Variants in CSPG4 observed in about 807,000 individuals in gnomAD.
CSPG4 encodes the protein chondroitin sulfate proteoglycan 4.
In CSPG4, 74 loss-of-function variants were observed where a neutral mutation model predicts 139.3. That is an observed-to-expected ratio of 0.53 (90% confidence interval 0.44 to 0.64). The LOEUF is 0.64. Among genes scored for constraint, CSPG4 ranks in the 30% least tolerant of loss-of-function variants. The pLI, the probability that CSPG4 is intolerant of heterozygous loss-of-function variation, is 0.00. For synonymous variants in CSPG4, 1,234 were observed against 1,394.2 expected, an observed-to-expected ratio of 0.89 and a Z score of 2.56; for missense variants, 2,565 against 3,148.3, an observed-to-expected ratio of 0.81 and a Z score of 4.43.
intron 3 of CSPG4, among the ~76,000 whole-genome samples, chr15:75,686,168 G>A (rs1894054520): frequency 6.6e-6 from 1 of 152,178 alleles, no homozygotes; most frequent in Admixed American, 6.5e-5. Context: ...AGCTTGAGAT[G>A]CACTCCCTCA....
chr15:75,709,588 T>G (rs924655537), intron 1 of CSPG4, among the ~76,000 whole-genome samples: 2 of 152,076 alleles, frequency 1.3e-5, no homozygotes, highest in African/African-American at 4.8e-5. Context: ...TCTGTGAGAG[T>G]GGCCGTGTGC....
chr15:75,689,635 C>A lies in CSPG4; in HGVS notation c.1430G>T (p.Arg477Leu). ...QVLFSVTRGA[R>L]HGELELDIPG... ...GATGTCCAGCTCGAGCTCGCCATGG[C>A]GTGCCCCTCGGGTCACGCTGAACAG... Residue 477 changes from arginine (R) to leucine (L), a missense_variant, in exon 3 of 10, where the codon CGC becomes CTC. Around this residue, in one of 5 missense-constraint regions of CSPG4, gnomAD observed 2,316 missense variants for 2,818.2 expected, o/e 0.82. Coordinates refer to ENST00000308508, the MANE Select transcript of CSPG4 (RefSeq NM_001897.5). 2 of 1,606,658 alleles carry A rather than the reference C, an allele frequency of 1.2e-6. No homozygotes were observed. The highest frequency in any genetic ancestry group is 1.7e-6 in the Non-Finnish European group (2 of 1,176,214).
chr15:75,691,575 G>A (rs1278735054), intron 2 of CSPG4, among the ~76,000 whole-genome samples: 1 of 152,158 alleles, frequency 6.6e-6, no homozygotes, highest in Non-Finnish European at 1.5e-5. Flanking sequence ...GTCATTGAAG[G>A]CAGCCAGGCT....
chr15:75,712,519 C>T (rs1345594709), intron 1 of CSPG4, 149 bp downstream of exon 1: 42 of 734,142 alleles, frequency 5.7e-5, no homozygotes, highest in Non-Finnish European at 8.9e-5. Context: ...GGATTGAACC[C>T]CTGGCGACCC....
At chr15:75,693,279 G>T in intron 1 of CSPG4, 46 bp from the exon 2 acceptor site, 3 of 1,416,648 alleles carry the variant, frequency 2.1e-6, no homozygotes, top group Non-Finnish European at 1.9e-6. Context: ...CTCTTGCCTG[G>T]AGGAGGCGAG....
At chr15:75,677,984 T>C in intron 8 of CSPG4, 98 bp from the exon 9 acceptor site, 3 of 1,174,684 alleles carry the variant, frequency 2.6e-6, no homozygotes, top group Non-Finnish European at 2.4e-6. Context: ...TGGGCTCTCC[T>C]GGGTGTGCCC....
At chr15:75,706,902 T>A (rs1283590053) in intron 1 of CSPG4, among the ~76,000 whole-genome samples, 1 of 151,698 alleles carries the variant, frequency 6.6e-6, no homozygotes, top group African/African-American at 2.4e-5. Flanking sequence ...AAATCCAAAA[T>A]TTTTTGAGTG....
In CSPG4 at chr15:75,675,837, G is replaced by GA. The variant is rs1425296740; in HGVS notation, c.6681_6682insT (p.Pro2228SerfsTer29). On this transcript the variant is annotated frameshift_variant, in exon 10 of 10. Transcript: ENST00000308508. LOFTEE classifies it high-confidence loss of function. ...AGGAGCAGAAGTACCAGGCACATGG[G>GA]GATGATGACGCTGAACATGTTGGCC... 6.2e-7 allele frequency: 1 copy of GA among 1,612,098 alleles called. No individual in the cohort carries two copies. The highest frequency in any genetic ancestry group is 2.2e-5 in the East Asian group (1 of 44,892).
At chr15:75,686,608 C>T (rs563285653) in intron 3 of CSPG4, among the ~76,000 whole-genome samples, 217 of 152,312 alleles carry the variant, frequency 1.4e-3, no homozygotes, top group Middle Eastern at 3.4e-3. Flanking sequence ...CTTCAGAGCC[C>T]GGCCCAAACG....
At chr15:75,694,462 C>A (rs1205258260) in intron 1 of CSPG4, among the ~76,000 whole-genome samples, 1 of 152,232 alleles carries the variant, frequency 6.6e-6, no homozygotes, top group Admixed American at 6.5e-5. Flanking sequence ...TGTTGGGCTT[C>A]CCTCAAACCC....
Position 75,677,959 on chromosome 15 carries a change from C to A in CSPG4, c.4951-73G>T, listed in dbSNP as rs188051535. ...GTCCAGACACTGAGCACTTTTGTCT[C>A]CTCAGGCCCCACTCTGGGCTCTCCT... is the stretch of plus-strand genomic sequence containing the variant. On this transcript the variant is annotated intron_variant, in intron 8 of 9. Transcript: ENST00000308508. 24 of 1,411,748 alleles carry A rather than the reference C, an allele frequency of 1.7e-5. No homozygotes were observed. In the African/African-American group the frequency reaches 3.1e-4, roughly 18 times the overall value. 87.5% of individuals were successfully genotyped at this position (1,411,748 alleles called of 1,614,324 possible).
intron 1 of CSPG4, among the ~76,000 whole-genome samples, chr15:75,707,148 G>C (rs1436457399): frequency 5.3e-5 from 8 of 151,882 alleles, no homozygotes; most frequent in Non-Finnish European, 8.8e-5. Flanking sequence ...GTAGAGACAG[G>C]GTTTCACCAT....
At position 75,690,067 on chromosome 15, in the gene CSPG4, C is replaced by A. The variant is rs771392241; in HGVS notation, c.998G>T (p.Arg333Leu). 5.0e-6 allele frequency: 8 copies of A among 1,611,770 alleles called. No individual in the cohort carries two copies. Among genetic ancestry groups the A allele is most frequent in the Non-Finnish European group, 6.8e-6 (8 of 1,179,458 alleles). The change falls in exon 3 of 10, where the codon CGT becomes CTT. Residue 333 changes from arginine to leucine, a missense_variant. Transcript: ENST00000308508. ...LLGGLDAEAS[R>L]HLQEHRLGLT... Reference sequence around the variant, plus strand: ...GCCCAGGCGGTGTTCCTGGAGGTGACGAGAGGCCTCTGCATCCAGCCCCCC... The same window carrying A: ...GCCCAGGCGGTGTTCCTGGAGGTGAAGAGAGGCCTCTGCATCCAGCCCCCC...
In CSPG4 at chr15:75,684,776, T is replaced by C. The variant is rs749706830; in HGVS notation, c.4409A>G (p.Asn1470Ser). 287 of 1,613,704 alleles carry C rather than the reference T, an allele frequency of 1.8e-4. No homozygotes were observed. Among genetic ancestry groups the C allele is most frequent in the Non-Finnish European group, 2.3e-4 (272 of 1,179,928 alleles). Residue 1470 changes from asparagine to serine, a missense_variant, in exon 5 of 10, where the codon AAT (asparagine) becomes AGT (serine). By Grantham distance (46) the Asn-to-Ser change is conservative. Coordinates refer to ENST00000308508, the MANE Select transcript of CSPG4 (RefSeq NM_001897.5). The part of the protein sequence containing the change: ...VAFTVTVLPV[N>S]DQPPILTTNT... ...TGTAGTGAGGATGGGGGGTTGGTCATTGACAGGCAGGACAGTGACAGTGAA... is the reference window on the plus strand; with the variant it reads ...TGTAGTGAGGATGGGGGGTTGGTCACTGACAGGCAGGACAGTGACAGTGAA...
Position 75,688,528 on chromosome 15 carries a change from C to A in CSPG4, c.2537G>T (p.Gly846Val). The A allele has an allele frequency of 6.2e-7, 1 of 1,613,224 alleles. No homozygotes were observed. Among genetic ancestry groups the A allele is most frequent in the Non-Finnish European group, 8.5e-7 (1 of 1,180,034 alleles). Residue 846 changes from glycine to valine, a missense_variant, in exon 3 of 10, where the codon GGC becomes GTC. Transcript: ENST00000308508. The part of the protein sequence containing the change: ...LQGTRLSDGQ[G>V]FTQDDIQAGR... ...AGCCTGTATGTCATCCTGGGTGAAG[C>A]CCTGGCCATCTGACAGCCTTGTGCC...
chr15:75,687,179 AC>A lies in CSPG4; in HGVS notation c.3789+96del, dbSNP rs1894071191. ...TGCACACATGTAACCTGGAGCCACC[AC>A]AGCCACAGCCCAAGTCACGTGTGTT... On this transcript the variant is annotated intron_variant, in intron 3 of 9. Transcript: ENST00000308508. The surrounding 1 kb of genome is among the most constrained non-coding windows in gnomAD (Gnocchi z 5.4). The A allele has an allele frequency of 6.9e-7, 1 of 1,451,330 alleles. No homozygotes were observed. Among genetic ancestry groups the A allele is most frequent in the African/African-American group, 1.4e-5 (1 of 71,932 alleles). The allele number at this position is 1,451,330 out of a possible 1,614,324, so 89.9% of individuals were successfully genotyped here. A position where few individuals can be genotyped will look rare whatever the true frequency, so the allele number is the denominator to read the frequency against.
chr15:75,705,228 CT>C (rs1383638463), intron 1 of CSPG4, among the ~76,000 whole-genome samples: 1 of 152,228 alleles, frequency 6.6e-6, no homozygotes, highest in African/African-American at 2.4e-5. Context: ...CCCCCACCCC[CT>C]CCCACCTTCT....
upstream of CSPG4, among the ~76,000 whole-genome samples, chr15:75,713,041 A>G (rs1377380889): frequency 6.6e-6 from 1 of 152,034 alleles, no homozygotes; most frequent in East Asian, 1.9e-4. Flanking sequence ...CCCCAGCCCC[A>G]CCCTAAAGAC....
chr15:75,704,950 G>A (rs1468240114), intron 1 of CSPG4, among the ~76,000 whole-genome samples: 3 of 152,194 alleles, frequency 2.0e-5, no homozygotes, highest in East Asian at 1.9e-4. Flanking sequence ...AGGGACTCGC[G>A]AGGGGTTGGT....
Sources: gnomAD v4.1 joint callset for allele counts (sites outside exome capture counted in the v4.1 genomes callset) on GRCh38, gnomAD v4.1.1 for gene constraint, gnomAD v4.1.1 regional missense constraint, Gnocchi (gnomAD v3.1) non-coding constraint, MANE v1.5 for transcripts, NCBI Gene and HGNC (gene_info 2026-07-23, HGNC 2026-07-21) for gene names.